Variants in MTAP observed in about 807,000 individuals in gnomAD.
MTAP encodes S-methyl-5'-thioadenosine phosphorylase.
Under a neutral mutation model 33.6 loss-of-function variants are expected in MTAP, and 33 were observed. That is an observed-to-expected ratio of 0.98 (90% CI 0.74 to 1.31). The LOEUF (loss-of-function observed/expected upper bound fraction) is 1.31. MTAP is among the 40% of genes most tolerant of loss of function. The probability of loss-of-function intolerance (pLI) is 0.00; values close to 1 mark genes in which losing one functional copy is unlikely to be tolerated. For synonymous variants in MTAP, 148 were observed against 125.7 expected, an observed-to-expected ratio of 1.18 and a Z score of -1.19; for missense variants, 367 against 360.0, an observed-to-expected ratio of 1.02 and a Z score of -0.16.
At chr9:21,855,354 A>T (rs937504826) in intron 6 of MTAP, among the ~76,000 whole-genome samples, 1 of 152,228 alleles carries the variant, frequency 6.6e-6, no homozygotes, top group African/African-American at 2.4e-5. Flanking sequence ...TCGGATGGAG[A>T]TAGAAGTTAA....
intron 1 of MTAP, among the ~76,000 whole-genome samples, chr9:21,920,416 A>T (rs960864035): frequency 6.6e-6 from 1 of 152,180 alleles, no homozygotes; most frequent in African/African-American, 2.4e-5. Flanking sequence ...ACCATAAACA[A>T]TTGCAGGCAC....
At chr9:21,824,378 G>A (rs990591204) in intron 4 of MTAP, among the ~76,000 whole-genome samples, 1 of 152,204 alleles carries the variant, frequency 6.6e-6, no homozygotes, top group South Asian at 2.1e-4. Flanking sequence ...TCCAGACCCT[G>A]TTTGCCTGGA....
chr9:21,849,236 C>A lies in MTAP; in HGVS notation c.451-5395C>A, dbSNP rs144692274. 7.0e-4 allele frequency among the ~76,000 whole-genome samples: 106 copies of A among 152,278 alleles called. 1 individual carries two copies. Among genetic ancestry groups the A allele is most frequent in the African/African-American group, 2.5e-3 (102 of 41,546 alleles). ...TTTATGCTGTGAATCTTTCTCCCGT[C>A]CTTCCCCAAGGAGACCTCCGACCTT... is the stretch of plus-strand genomic sequence containing the variant. On this transcript the variant is annotated intron_variant, in intron 5 of 7. Transcript: ENST00000644715.
intron 1 of MTAP, among the ~76,000 whole-genome samples, chr9:21,925,075 G>C (rs572224025): frequency 2.0e-5 from 3 of 152,216 alleles, no homozygotes; most frequent in East Asian, 3.9e-4. Flanking sequence ...AGTTCACTGG[G>C]TCAGCCCCAA....
chr9:21,875,714 G>T (rs1825997183), intron 1 of MTAP, among the ~76,000 whole-genome samples: 1 of 152,104 alleles, frequency 6.6e-6, no homozygotes, highest in African/African-American at 2.4e-5. Flanking sequence ...TCCAACAAAA[G>T]ATATGGTCTC....
chr9:21,874,089 C>G (rs1293237708), intron 1 of MTAP, among the ~76,000 whole-genome samples: 1 of 152,060 alleles, frequency 6.6e-6, no homozygotes, highest in Non-Finnish European at 1.5e-5. Flanking sequence ...CGAATTCCCA[C>G]CCTTTAGGAA....
intron 4 of MTAP, among the ~76,000 whole-genome samples, chr9:21,830,476 CTGAGGG>C (rs934266044): frequency 1.6e-4 from 25 of 152,290 alleles, no homozygotes; most frequent in Admixed American, 3.9e-4. Context: ...CATTTGGCCA[CTGAGGG>C]TAAAAGATGG....
intron 6 of MTAP, among the ~76,000 whole-genome samples, chr9:21,855,552 GGA>G (rs1825622125): frequency 6.6e-6 from 1 of 152,086 alleles, no homozygotes; most frequent in Non-Finnish European, 1.5e-5. Flanking sequence ...TGGGGAGAAG[GGA>G]GAGAGAGGAG....
chr9:21,889,670 T>A (rs1162042123), intron 1 of MTAP, among the ~76,000 whole-genome samples: 1 of 152,058 alleles, frequency 6.6e-6, no homozygotes, highest in African/African-American at 2.4e-5. Flanking sequence ...TTCTTCTGGG[T>A]CTAGCCTCCC....
chr9:21,830,807 G>A (rs1212001879), intron 4 of MTAP, among the ~76,000 whole-genome samples: 2 of 152,176 alleles, frequency 1.3e-5, no homozygotes, highest in East Asian at 1.9e-4. Context: ...GTAGAAGCAT[G>A]ACTATGCATC....
chr9:21,805,265 GA>G (rs2117887841), intron 1 of MTAP, among the ~76,000 whole-genome samples: 1 of 152,310 alleles, frequency 6.6e-6, no homozygotes, highest in South Asian at 2.1e-4. Flanking sequence ...TCATGCAAGT[GA>G]AAGATTCCAC....
At position 21,863,177 on chromosome 9, in the gene MTAP, G is replaced by T; in HGVS notation, c.*1163G>T. The T allele has an allele frequency of 2.1e-6, 2 of 955,862 alleles. No individual in the cohort carries two copies. Among genetic ancestry groups the T allele is most frequent in the Non-Finnish European group, 2.5e-6 (2 of 803,188 alleles). The allele number at this position is 955,862 out of a possible 1,614,324, so 59.2% of individuals were successfully genotyped here. ...TAAAAGACTAAATGCACATTTTATG[G>T]TATCTGATATTTTAAAAAGTAATGT... On this transcript the variant is annotated 3_prime_UTR_variant, in exon 8 of 8. Coordinates refer to ENST00000644715, the MANE Select transcript of MTAP (RefSeq NM_002451.4).
At chr9:21,918,337 G>C (rs1204350672) in intron 1 of MTAP, among the ~76,000 whole-genome samples, 1 of 92,050 alleles carries the variant, frequency 1.1e-5, no homozygotes, top group Admixed American at 1.5e-4. Flanking sequence ...GCGACAGAAC[G>C]AGACTCCGTC....
chr9:21,822,282 C>G (rs1824662721), intron 4 of MTAP, among the ~76,000 whole-genome samples: 1 of 152,128 alleles, frequency 6.6e-6, no homozygotes. Flanking sequence ...TATAAATTTC[C>G]CTCTACACAC....
chr9:21,929,891 A>T (rs1446073520), intron 1 of MTAP: 12 of 348,534 alleles, frequency 3.4e-5, no homozygotes, highest in Non-Finnish European at 5.1e-5. Context: ...TATAGCTTGT[A>T]ATGTTACTCT....
At chr9:21,903,813 A>G (rs530936811) in intron 1 of MTAP, among the ~76,000 whole-genome samples, 2 of 152,202 alleles carry the variant, frequency 1.3e-5, no homozygotes, top group South Asian at 4.2e-4. Flanking sequence ...AGGGGTGAAT[A>G]TTTACAGCTC....
At chr9:21,814,486 C>G (rs1258659192) in intron 1 of MTAP, among the ~76,000 whole-genome samples, 2 of 152,072 alleles carry the variant, frequency 1.3e-5, no homozygotes, top group South Asian at 2.1e-4. Context: ...TGTTTACTCT[C>G]TAGGAGGTAC....
At chr9:21,895,878 T>C (rs1299337612) in intron 1 of MTAP, among the ~76,000 whole-genome samples, 1 of 152,100 alleles carries the variant, frequency 6.6e-6, no homozygotes, top group Non-Finnish European at 1.5e-5. Context: ...ATTCCACCTC[T>C]GGGAATTGAA....
At chr9:21,902,034 A>G (rs1563864753) in intron 1 of MTAP, among the ~76,000 whole-genome samples, 1 of 152,230 alleles carries the variant, frequency 6.6e-6, no homozygotes, top group East Asian at 1.9e-4. Context: ...AATAGCTTTC[A>G]GTCTGGGTTC....
Sources: allele counts gnomAD v4.1 joint callset (sites outside exome capture counted in the v4.1 genomes callset), GRCh38; gene constraint gnomAD v4.1.1; transcripts MANE v1.5; gene names NCBI Gene and HGNC (gene_info 2026-07-23, HGNC 2026-07-21).